Variants in CSMD1 observed in about 807,000 individuals in gnomAD.
CSMD1 encodes CUB and sushi domain-containing protein 1.
CSMD1 carries 213 observed loss-of-function variants against 417.5 expected under a neutral mutation model. The ratio of observed to expected loss-of-function variants is 0.51; its 90% CI spans 0.46 to 0.57. The LOEUF is 0.57. CSMD1 is among the 20% of genes least tolerant of loss of function. CSMD1 has a pLI of 0.00. For missense variants in CSMD1, 6,923 were observed against 4,529.7 expected, an observed-to-expected ratio of 1.53 and a Z score of -15.17; for synonymous variants, 2,862 against 1,736.8, an observed-to-expected ratio of 1.65 and a Z score of -16.11.
chr8:4,509,534 A>G (rs1353247687), intron 2 of CSMD1, among the ~76,000 whole-genome samples: 1 of 152,198 alleles, frequency 6.6e-6, no homozygotes, highest in Admixed American at 6.5e-5. Context: ...TAGAGAGGAA[A>G]TCACATGGAA....
chr8:4,818,132 G>C (rs186660776), intron 1 of CSMD1, among the ~76,000 whole-genome samples: 1 of 152,056 alleles, frequency 6.6e-6, no homozygotes, highest in African/African-American at 2.4e-5. Context: ...AAGCCTACTC[G>C]TAAAATTGCA....
At chr8:4,653,805 T>A (rs558019124) in intron 1 of CSMD1, among the ~76,000 whole-genome samples, 3 of 152,270 alleles carry the variant, frequency 2.0e-5, no homozygotes, top group East Asian at 3.9e-4. Flanking sequence ...GGGAGGCATT[T>A]GCAAATAACT....
rs893349401 is a variant in CSMD1 at position 2,971,475 on chromosome 8, G to A, written c.8923+1642C>T. ...GGGGGATGTTATTGCTGCTGCTTCA[G>A]GACTCGATTCAGGTTACGCATTTCA... On this transcript the variant is annotated intron_variant, in intron 57 of 69. Coordinates refer to ENST00000635120, the MANE Select transcript of CSMD1 (RefSeq NM_033225.6). 2.0e-5 allele frequency among the ~76,000 whole-genome samples: 3 copies of A among 152,110 alleles called. No homozygotes were observed. The East Asian group carries it at 5.8e-4, about 29-fold the overall frequency.
chr8:4,041,790 A>G (rs1036658830), intron 3 of CSMD1, among the ~76,000 whole-genome samples: 2 of 152,166 alleles, frequency 1.3e-5, no homozygotes, highest in Non-Finnish European at 2.9e-5. Context: ...GGGAAATATT[A>G]AAAAACAAAC....
intron 3 of CSMD1, among the ~76,000 whole-genome samples, chr8:4,237,088 C>T (rs1432900077): frequency 6.6e-6 from 1 of 152,186 alleles, no homozygotes; most frequent in East Asian, 1.9e-4. Context: ...CAATTTTATT[C>T]TTCACTCACT....
intron 1 of CSMD1, among the ~76,000 whole-genome samples, chr8:4,747,887 T>A (rs1811059215): frequency 6.6e-6 from 1 of 152,250 alleles, no homozygotes; most frequent in Non-Finnish European, 1.5e-5. Context: ...GGATATCTGT[T>A]GTTGCTTTAA....
At chr8:4,060,482 A>C (rs1440050581) in intron 3 of CSMD1, among the ~76,000 whole-genome samples, 2 of 152,176 alleles carry the variant, frequency 1.3e-5, no homozygotes, top group Admixed American at 6.6e-5. Context: ...TTATTTGAGA[A>C]GGAAGGAGCT....
At chr8:4,111,103 C>T (rs1005528633) in intron 3 of CSMD1, among the ~76,000 whole-genome samples, 2 of 152,002 alleles carry the variant, frequency 1.3e-5, no homozygotes, top group African/African-American at 4.8e-5. Flanking sequence ...TCAAGGATTC[C>T]TTCTACAAAG....
intron 25 of CSMD1, among the ~76,000 whole-genome samples, chr8:3,293,080 T>G (rs1299253093): frequency 6.6e-6 from 1 of 152,172 alleles, no homozygotes; most frequent in Non-Finnish European, 1.5e-5. Flanking sequence ...TCTCCTTCAC[T>G]TATGAAGCTT....
chr8:3,457,247 C>T (rs1442675247), intron 12 of CSMD1, among the ~76,000 whole-genome samples: 2 of 151,980 alleles, frequency 1.3e-5, no homozygotes, highest in African/African-American at 4.8e-5. Flanking sequence ...ATCCTGGACT[C>T]GTGAACCTGT....
At chr8:3,409,267 T>C (rs8180902) in intron 13 of CSMD1, among the ~76,000 whole-genome samples, 156 bp downstream of exon 13, 2,498 of 152,340 alleles carry the variant, frequency 0.016, 62 homozygotes, top group East Asian at 0.096. Flanking sequence ...CAAGTTGGTG[T>C]TCGAGAACGT....
chr8:4,713,743 C>A (rs893885674), intron 1 of CSMD1, among the ~76,000 whole-genome samples: 2 of 152,186 alleles, frequency 1.3e-5, no homozygotes, highest in African/African-American at 4.8e-5. Context: ...GCCCCTGAGG[C>A]AACTCCACGG....
chr8:3,238,750 A>C (rs1728425370), intron 26 of CSMD1, among the ~76,000 whole-genome samples: 1 of 152,204 alleles, frequency 6.6e-6, no homozygotes, highest in Non-Finnish European at 1.5e-5. Context: ...AGGACATCTA[A>C]TTAGAGAGTG....
chr8:4,540,247 C>G (rs1797313873), intron 2 of CSMD1, among the ~76,000 whole-genome samples: 1 of 152,056 alleles, frequency 6.6e-6, no homozygotes, highest in South Asian at 2.1e-4. Context: ...GTGGTAGATT[C>G]CAGCAAGAAG....
intron 3 of CSMD1, among the ~76,000 whole-genome samples, chr8:4,321,330 CA>C (rs1799261481): frequency 1.3e-5 from 2 of 152,168 alleles, no homozygotes; most frequent in South Asian, 4.2e-4. Flanking sequence ...CTGAAATGGC[CA>C]TACGTCTTCT....
At chr8:4,861,689 T>C (rs2116875866) in intron 1 of CSMD1, among the ~76,000 whole-genome samples, 1 of 152,214 alleles carries the variant, frequency 6.6e-6, no homozygotes, top group African/African-American at 2.4e-5. Context: ...CACAGTGATC[T>C]CAAAAAATAG....
chr8:4,936,281 T>G (rs1487480569), intron 1 of CSMD1, among the ~76,000 whole-genome samples: 1 of 152,202 alleles, frequency 6.6e-6, no homozygotes, highest in Non-Finnish European at 1.5e-5. Context: ...CTTTGAAATT[T>G]CAATTTTAAA....
intron 3 of CSMD1, among the ~76,000 whole-genome samples, chr8:4,093,876 C>G (rs1201792266): frequency 1.3e-5 from 2 of 152,044 alleles, no homozygotes; most frequent in East Asian, 3.9e-4. Flanking sequence ...AGGAGAATCA[C>G]TTGAACGCAG....
At chr8:4,761,433 GT>G (rs745880393) in intron 1 of CSMD1, among the ~76,000 whole-genome samples, 7 of 151,804 alleles carry the variant, frequency 4.6e-5, no homozygotes, top group Non-Finnish European at 8.8e-5. Flanking sequence ...CATAAAATAT[GT>G]TGCTGAAATA....
Sources: allele counts gnomAD v4.1 joint callset (sites outside exome capture counted in the v4.1 genomes callset), GRCh38; gene constraint gnomAD v4.1.1; transcripts MANE v1.5; gene names NCBI Gene and HGNC (gene_info 2026-07-23, HGNC 2026-07-21).